Variants in ZNF428 observed in about 807,000 individuals in gnomAD.
The protein encoded by ZNF428 is zinc finger protein 428.
Under a neutral mutation model 15.6 loss-of-function variants are expected in ZNF428, and 5 were observed. The ratio of observed to expected loss-of-function variants is 0.32; its 90% CI spans 0.17 to 0.67. The LOEUF is 0.67. ZNF428 is among the 30% of genes least tolerant of loss of function. ZNF428 has a pLI of 0.73. For missense variants in ZNF428, 237 were observed against 256.0 expected, an observed-to-expected ratio of 0.93 and a Z score of 0.51; for synonymous variants, 97 against 102.2, an observed-to-expected ratio of 0.95 and a Z score of 0.31.
intron 1 of ZNF428, among the ~76,000 whole-genome samples, chr19:43,615,814 G>A (rs982392476): frequency 6.6e-6 from 1 of 152,298 alleles, no homozygotes; most frequent in South Asian, 2.1e-4. Flanking sequence ...GTAGGGCAAG[G>A]TATAAGGGAA....
rs780036640 is a variant in ZNF428, at chr19:43,614,217, A to G, written c.76+12T>C. The G allele has an allele frequency of 3.7e-6, 6 of 1,614,196 alleles. No homozygotes were observed. In the East Asian group the frequency reaches 1.3e-4, roughly 36 times the overall value. The stretch of plus-strand genomic sequence containing the variant: ...AGTCAAGCCGACGCCACCACCTCTA[A>G]GGCCACCTTACCTGGGGAAAGGTCT... On this transcript the variant is annotated intron_variant, in intron 2 of 2. Transcript: ENST00000300811.
At chr19:43,617,893 A>ACTCTGTCGCC (rs1171838025) in intron 1 of ZNF428, among the ~76,000 whole-genome samples, 2 of 151,694 alleles carry the variant, frequency 1.3e-5, no homozygotes, top group African/African-American at 4.8e-5. Context: ...ACGGAGTGTC[A>ACTCTGTCGCC]CTCTGTCGCC....
At chr19:43,608,630 C>T (rs1281500297) in intron 2 of ZNF428, 1 of 151,550 alleles carries the variant, frequency 6.6e-6, no homozygotes, top group Non-Finnish European at 1.5e-5. Flanking sequence ...GACCTCACCA[C>T]TTAAAAAGAA....
intron 2 of ZNF428, among the ~76,000 whole-genome samples, chr19:43,611,325 ATTT>A (rs768244487): frequency 1.4e-4 from 20 of 140,384 alleles, no homozygotes; most frequent in East Asian, 4.1e-4. Flanking sequence ...TGACCCGTTC[ATTT>A]TTTTTTTTTT....
In ZNF428 at chr19:43,607,372, TACACACACACACAC is replaced by T. The variant is rs3052821; in HGVS notation, c.*231_*244del. The T allele has an allele frequency of 9.5e-6, 4 of 419,736 alleles. No individual in the cohort carries two copies. The highest frequency in any genetic ancestry group is 6.3e-5 in the African/African-American group (3 of 47,380). The allele number at this position is 419,736 out of a possible 1,614,324, so 26.0% of individuals were successfully genotyped here. A position where few individuals can be genotyped will look rare whatever the true frequency, so the allele number is the denominator to read the frequency against. On this transcript the variant is annotated 3_prime_UTR_variant, in exon 3 of 3. Coordinates refer to ENST00000300811, the MANE Select transcript of ZNF428 (RefSeq NM_182498.4). The surrounding 1 kb of genome is among the most constrained non-coding windows in gnomAD (Gnocchi z 5.1). ...TCCCCAAGAAGGAGCCCAGGGGGAA[TACACACACACACAC>T]ACACACACAAACACACACACGGGCG...
intron 2 of ZNF428, chr19:43,613,512 C>G: frequency 6.4e-7 from 1 of 1,550,968 alleles, no homozygotes. Flanking sequence ...CATAGCCGAT[C>G]TAGAAGTCCC....
chr19:43,617,566 C>T (rs1973384003), intron 1 of ZNF428, among the ~76,000 whole-genome samples: 2 of 152,200 alleles, frequency 1.3e-5, no homozygotes, highest in Admixed American at 1.3e-4. Flanking sequence ...AGACAGATTT[C>T]ATAATTGGCA....
At chr19:43,619,005 G>A (rs1973403309) in intron 1 of ZNF428, among the ~76,000 whole-genome samples, 1 of 152,098 alleles carries the variant, frequency 6.6e-6, no homozygotes. Context: ...CAAACTGAAA[G>A]GCAAACACAG....
In ZNF428 at chr19:43,607,413, G is replaced by T; in HGVS notation, c.*204C>A. ...CACACACAAACACACACACGGGCGGGAATACACACACACACACACACACTC... is the reference window on the plus strand; with the variant it reads ...CACACACAAACACACACACGGGCGGTAATACACACACACACACACACACTC... On this transcript the variant is annotated 3_prime_UTR_variant, in exon 3 of 3. Transcript: ENST00000300811. The surrounding 1 kb of genome is among the most constrained non-coding windows in gnomAD (Gnocchi z 5.1). 3.6e-6 allele frequency: 2 copies of T among 558,814 alleles called. No individual in the cohort carries two copies. Among genetic ancestry groups the T allele is most frequent in the Non-Finnish European group, 2.9e-6 (1 of 342,606 alleles). 34.6% of individuals were successfully genotyped at this position (558,814 alleles called of 1,614,324 possible).
At chr19:43,614,092 T>A (rs767224989) in intron 2 of ZNF428, 137 bp downstream of exon 2, 12 of 1,573,014 alleles carry the variant, frequency 7.6e-6, no homozygotes, top group Non-Finnish European at 9.5e-6. Context: ...GATCCCCTAC[T>A]AGGACAAGCA....
intron 1 of ZNF428, 28 bp downstream of exon 1, chr19:43,619,530 C>G (rs1482476420): frequency 6.6e-6 from 1 of 152,276 alleles, no homozygotes; most frequent in Non-Finnish European, 1.5e-5. Context: ...CCCGGCATGC[C>G]TCGCGCACCC....
chr19:43,608,207 A>G, intron 2 of ZNF428, 100 bp from the exon 3 acceptor site: 2 of 1,489,444 alleles, frequency 1.3e-6, no homozygotes, highest in Non-Finnish European at 1.8e-6. Context: ...TTGCCATAGT[A>G]TGACAAGGAT....
chr19:43,614,587 CCTGCCCCTCT>C (rs1286876366), intron 1 of ZNF428, 153 bp from the exon 2 acceptor site: 2 of 543,756 alleles, frequency 3.7e-6, no homozygotes, highest in Non-Finnish European at 5.6e-6. Flanking sequence ...GACTGCAAGC[CCTGCCCCTCT>C]CTAGGTCTTT....
At chr19:43,611,699 G>A (rs1012737624) in intron 2 of ZNF428, among the ~76,000 whole-genome samples, 1 of 152,120 alleles carries the variant, frequency 6.6e-6, no homozygotes, top group African/African-American at 2.4e-5. Context: ...TGAAGTCCTC[G>A]CTGACTCCCC....
At position 43,607,326 on chromosome 19, in the gene ZNF428, T is replaced by C. The variant is rs536010412; in HGVS notation, c.*291A>G. On this transcript the variant is annotated 3_prime_UTR_variant, in exon 3 of 3. Coordinates refer to ENST00000300811, the MANE Select transcript of ZNF428 (RefSeq NM_182498.4). The surrounding 1 kb of genome is among the most constrained non-coding windows in gnomAD (Gnocchi z 5.1). ...ATACAAGCACGCAGTAAATGTTATC[T>C]TTCCCAAAAGACCCCAAGGTTCCCC... 3 of 387,194 alleles carry C rather than the reference T, an allele frequency of 7.7e-6. No homozygotes were observed. The South Asian group carries it at 2.7e-4, about 35-fold the overall frequency. 24.0% of individuals were successfully genotyped at this position (387,194 alleles called of 1,614,324 possible).
chr19:43,612,883 A>G lies in ZNF428; in HGVS notation c.76+1346T>C. The stretch of plus-strand genomic sequence containing the variant: ...GTCAGATGATCATCCCCAGTAGGGA[A>G]AAGAGTTACAGCCCCACTGAAATGT... On this transcript the variant is annotated intron_variant, in intron 2 of 2. Coordinates refer to ENST00000300811, the MANE Select transcript of ZNF428 (RefSeq NM_182498.4). The surrounding 1 kb of genome is among the most constrained non-coding windows in gnomAD (Gnocchi z 4.2). 1 of 1,551,710 alleles carries G rather than the reference A, an allele frequency of 6.4e-7. No homozygotes were observed. The highest frequency in any genetic ancestry group is 8.7e-7 in the Non-Finnish European group (1 of 1,146,982).
chr19:43,618,495 G>A (rs953600802), intron 1 of ZNF428, among the ~76,000 whole-genome samples: 2 of 151,086 alleles, frequency 1.3e-5, no homozygotes, highest in South Asian at 4.2e-4. Context: ...CTGTGCTCAA[G>A]GTACCCTACT....
chr19:43,613,263 G>T, intron 2 of ZNF428: 2 of 1,551,640 alleles, frequency 1.3e-6, no homozygotes, highest in Non-Finnish European at 1.7e-6. Flanking sequence ...AGGGGATCTA[G>T]CAGCCCCAGG....
At chr19:43,613,882 C>T (rs1455543182) in intron 2 of ZNF428, 1 of 1,551,662 alleles carries the variant, frequency 6.4e-7, no homozygotes, top group East Asian at 2.4e-5. Context: ...CTAGAAGCTC[C>T]AGCGAGGAGA....
Sources: gnomAD v4.1 joint callset for allele counts (sites outside exome capture counted in the v4.1 genomes callset) on GRCh38, gnomAD v4.1.1 for gene constraint, Gnocchi (gnomAD v3.1) non-coding constraint, MANE v1.5 for transcripts, NCBI Gene and HGNC (gene_info 2026-07-23, HGNC 2026-07-21) for gene names.